The following NRCAM variants were observed in gnomAD, a reference collection of about 807,000 sequenced individuals.
The protein encoded by NRCAM is neuronal cell adhesion molecule, also known as NgCAM-related cell adhesion molecule.
In NRCAM, 83 loss-of-function variants were observed where a neutral mutation model predicts 156.5. That is an observed-to-expected ratio of 0.53 (90% CI 0.44 to 0.64). The LOEUF (loss-of-function observed/expected upper bound fraction) is 0.64. NRCAM is among the 30% of genes least tolerant of loss of function. NRCAM has a pLI of 0.00. For synonymous variants in NRCAM, 538 were observed against 563.9 expected (o/e 0.95, Z 0.65); for missense variants, 1,417 against 1,597.3 (o/e 0.89, Z 1.92).
At chr7:108,302,585 A>G (rs1030956612) in intron 3 of NRCAM, among the ~76,000 whole-genome samples, 5 of 152,236 alleles carry the variant, frequency 3.3e-5, no homozygotes, top group African/African-American at 1.2e-4. Flanking sequence ...AAACAAAGTG[A>G]CAGAAGGCAA....
At chr7:108,429,914 T>A (rs1476764916) in intron 1 of NRCAM, among the ~76,000 whole-genome samples, 4 of 152,066 alleles carry the variant, frequency 2.6e-5, no homozygotes, top group Non-Finnish European at 4.4e-5. Flanking sequence ...GCAGCTTAGA[T>A]CTCATTAAAA....
At position 108,207,585 on chromosome 7, in the gene NRCAM, C is replaced by T. The variant is rs1372476088; in HGVS notation, c.1150G>A (p.Ala384Thr). The change falls in exon 13 of 33, where the codon GCT becomes ACT. Residue 384 changes from alanine (A) to threonine (T), a missense_variant. Ala to Thr is a moderately conservative substitution (Grantham distance 58). Coordinates refer to ENST00000379028, the MANE Select transcript of NRCAM (RefSeq NM_001037132.4). ...ATTCTGGGTTTGGGGTTGCCATTAG[C>T]TCTGCAGATCAAGGTCCCATCCTCT... ...PGEDGTLICR[A>T]NGNPKPRISW... 3.7e-6 allele frequency: 6 copies of T among 1,613,872 alleles called. No individual in the cohort carries two copies. Among genetic ancestry groups the T allele is most frequent in the African/African-American group, 1.3e-5 (1 of 74,924 alleles).
chr7:108,269,859 G>A (rs572102200), intron 3 of NRCAM, among the ~76,000 whole-genome samples: 1 of 152,274 alleles, frequency 6.6e-6, no homozygotes, highest in East Asian at 1.9e-4. Context: ...ACTTTTAGGA[G>A]TAGCAAGGAG....
chr7:108,430,551 A>T (rs1823682698), intron 1 of NRCAM, among the ~76,000 whole-genome samples: 2 of 152,238 alleles, frequency 1.3e-5, no homozygotes, highest in Admixed American at 1.3e-4. Context: ...AAGCAAGTCC[A>T]GGCTGGGGAG....
intron 2 of NRCAM, among the ~76,000 whole-genome samples, chr7:108,364,114 C>T (rs890235766): frequency 7.2e-5 from 11 of 152,074 alleles, no homozygotes; most frequent in Non-Finnish European, 1.3e-4. Flanking sequence ...GTGGTATTTA[C>T]GGGAAGTCTC....
intron 2 of NRCAM, among the ~76,000 whole-genome samples, chr7:108,381,646 G>A (rs1367531230): frequency 1.4e-5 from 2 of 146,556 alleles, no homozygotes; most frequent in African/African-American, 5.1e-5. Flanking sequence ...TTCAACCTCC[G>A]CCTCCCAGGT....
intron 15 of NRCAM, among the ~76,000 whole-genome samples, chr7:108,195,226 C>T (rs542262382): frequency 3.6e-4 from 55 of 152,296 alleles, no homozygotes; most frequent in Middle Eastern, 3.4e-3. Context: ...ACATGTAGAT[C>T]TGTGCTTGAT....
At chr7:108,221,503 T>C (rs1276297167) in intron 11 of NRCAM, among the ~76,000 whole-genome samples, 1 of 152,190 alleles carries the variant, frequency 6.6e-6, no homozygotes, top group Non-Finnish European at 1.5e-5. Context: ...ATATATGTGA[T>C]GGAATACTAC....
intron 3 of NRCAM, among the ~76,000 whole-genome samples, chr7:108,271,397 T>A (rs979308704): frequency 6.6e-6 from 1 of 152,164 alleles, no homozygotes; most frequent in African/African-American, 2.4e-5. Flanking sequence ...TAGGAAGGTA[T>A]ATTAGAACCT....
At chr7:108,347,032 GTTT>G (rs754160030) in intron 2 of NRCAM, among the ~76,000 whole-genome samples, 1 of 83,050 alleles carries the variant, frequency 1.2e-5, no homozygotes, top group Non-Finnish European at 2.1e-5. Flanking sequence ...TTATATTTCT[GTTT>G]TTTTTTTTTT....
intron 2 of NRCAM, among the ~76,000 whole-genome samples, chr7:108,354,009 C>T (rs1023134808): frequency 6.6e-6 from 1 of 152,210 alleles, no homozygotes; most frequent in Non-Finnish European, 1.5e-5. Flanking sequence ...CTAGTTATCA[C>T]ATACATGTCC....
chr7:108,415,063 A>C (rs1243908891), intron 1 of NRCAM, among the ~76,000 whole-genome samples: 1 of 152,106 alleles, frequency 6.6e-6, no homozygotes, highest in Non-Finnish European at 1.5e-5. Flanking sequence ...AAAATACTCC[A>C]TTTCTTAGGA....
chr7:108,238,610 T>C (rs1486195844), intron 4 of NRCAM, among the ~76,000 whole-genome samples: 2 of 152,128 alleles, frequency 1.3e-5, no homozygotes, highest in South Asian at 2.1e-4. Flanking sequence ...GCTTGACAGA[T>C]TGAACAGTCA....
intron 3 of NRCAM, among the ~76,000 whole-genome samples, chr7:108,283,613 A>T (rs1388188795): frequency 6.6e-6 from 1 of 152,166 alleles, no homozygotes; most frequent in African/African-American, 2.4e-5. Context: ...AGGGTCCTGA[A>T]TGTCTAAGTC....
At chr7:108,447,041 C>T (rs181339304) in intron 1 of NRCAM, among the ~76,000 whole-genome samples, 2 of 151,968 alleles carry the variant, frequency 1.3e-5, no homozygotes, top group African/African-American at 2.4e-5. Context: ...CTGTCTACCT[C>T]TTTACTAATT....
intron 3 of NRCAM, among the ~76,000 whole-genome samples, chr7:108,289,459 T>C (rs986134589): frequency 1.1e-4 from 16 of 152,176 alleles, no homozygotes; most frequent in Non-Finnish European, 2.2e-4. Flanking sequence ...AGTCACGATG[T>C]TGTACAACAG....
intron 3 of NRCAM, among the ~76,000 whole-genome samples, chr7:108,255,863 G>A (rs1306758175): frequency 5.3e-5 from 6 of 113,172 alleles, no homozygotes; most frequent in South Asian, 2.8e-4. Context: ...CAGCCGCCCC[G>A]TCTGGGAAGT....
chr7:108,337,681 A>T (rs1169097785), intron 2 of NRCAM, among the ~76,000 whole-genome samples: 1 of 152,146 alleles, frequency 6.6e-6, no homozygotes, highest in African/African-American at 2.4e-5. Flanking sequence ...CATTCCTTGG[A>T]ATCTGTGAGG....
chr7:108,190,058 C>T (rs768011731), intron 19 of NRCAM, among the ~76,000 whole-genome samples: 2 of 151,986 alleles, frequency 1.3e-5, no homozygotes, highest in East Asian at 3.8e-4. Flanking sequence ...CATGAATGGG[C>T]ACAAACATGA....
Sources: gnomAD v4.1 joint callset for allele counts (sites outside exome capture counted in the v4.1 genomes callset) on GRCh38, gnomAD v4.1.1 for gene constraint, MANE v1.5 for transcripts, NCBI Gene and HGNC (gene_info 2026-07-23, HGNC 2026-07-21) for gene names.